Variants in RALGAPA2 observed in about 807,000 individuals in gnomAD.
RALGAPA2 encodes Ral GTPase activating protein catalytic subunit alpha 2, also known as ral GTPase-activating protein subunit alpha-2.
Under a neutral mutation model 230.4 loss-of-function variants are expected in RALGAPA2, and 139 were observed. The ratio of observed to expected loss-of-function variants is 0.60; its 90% CI spans 0.53 to 0.69. The LOEUF is 0.69. Ranked by LOEUF, RALGAPA2 falls within the 30% of genes least tolerant of loss-of-function variation. RALGAPA2 has a pLI of 0.00. For missense variants in RALGAPA2, 2,163 were observed against 2,276.0 expected, an observed-to-expected ratio of 0.95 and a Z score of 1.01; for synonymous variants, 847 against 837.8, an observed-to-expected ratio of 1.01 and a Z score of -0.19.
intron 31 of RALGAPA2, among the ~76,000 whole-genome samples, chr20:20,515,869 ACTGCAGACACAT>A (rs1425774733): frequency 6.6e-6 from 1 of 151,962 alleles, no homozygotes; most frequent in Non-Finnish European, 1.5e-5. Context: ...AGGGAAGTGC[ACTGCAGACACAT>A]CTGCCTCATG....
chr20:20,647,188 T>TA (rs2067242859), intron 4 of RALGAPA2, among the ~76,000 whole-genome samples: 1 of 152,216 alleles, frequency 6.6e-6, no homozygotes, highest in Non-Finnish European at 1.5e-5. Flanking sequence ...ATCATACAGA[T>TA]ATTTCTCACC....
intron 35 of RALGAPA2, among the ~76,000 whole-genome samples, chr20:20,496,475 ATCT>A (rs2062207953): frequency 6.6e-6 from 1 of 152,224 alleles, no homozygotes; most frequent in Non-Finnish European, 1.5e-5. Context: ...GCCCTCTGAC[ATCT>A]TCTGGGAATT....
intron 37 of RALGAPA2, among the ~76,000 whole-genome samples, chr20:20,467,292 G>A (rs933673991): frequency 3.9e-5 from 6 of 152,158 alleles, no homozygotes; most frequent in Admixed American, 3.9e-4. Flanking sequence ...CACACAGTAA[G>A]TGTGTTCCGG....
intron 24 of RALGAPA2, among the ~76,000 whole-genome samples, chr20:20,543,543 T>C (rs922345718): frequency 1.3e-5 from 2 of 152,176 alleles, no homozygotes; most frequent in Non-Finnish European, 1.5e-5. Flanking sequence ...TGGAATACTA[T>C]GCAGCCATAA....
intron 20 of RALGAPA2, among the ~76,000 whole-genome samples, chr20:20,580,624 CCT>C (rs1283836268): frequency 1.3e-5 from 2 of 152,174 alleles, no homozygotes; most frequent in African/African-American, 2.4e-5. Context: ...CTGCATGACC[CCT>C]GTTTCCAGGG....
chr20:20,592,663 G>A (rs1353084365), intron 16 of RALGAPA2, among the ~76,000 whole-genome samples: 1 of 152,156 alleles, frequency 6.6e-6, no homozygotes, highest in Non-Finnish European at 1.5e-5. Context: ...ATCTTAACTG[G>A]CTGGGTCACC....
chr20:20,676,456 C>T (rs1262514950), intron 2 of RALGAPA2, among the ~76,000 whole-genome samples, 168 bp from the exon 3 acceptor site: 2 of 135,782 alleles, frequency 1.5e-5, no homozygotes, highest in African/African-American at 5.5e-5. Context: ...AACAGACAAC[C>T]GAGCCCGACT....
Position 20,712,554 on chromosome 20 carries a change from G to A in RALGAPA2, c.-74C>T, listed in dbSNP as rs2069932228. 1 of 1,357,396 alleles carries A rather than the reference G, an allele frequency of 7.4e-7. No individual in the cohort carries two copies. The highest frequency in any genetic ancestry group is 9.5e-7 in the Non-Finnish European group (1 of 1,055,754). 84.1% of individuals were successfully genotyped at this position (1,357,396 alleles called of 1,614,324 possible). ...GCCACGCGAATCAAAGCATAGGGTC[G>A]AGGCCGGCGCGTGTCGCGCGGGCCA... On this transcript the variant is annotated 5_prime_UTR_variant, in exon 1 of 40. Transcript: ENST00000202677. The surrounding 1 kb of genome is among the most constrained non-coding windows in gnomAD (Gnocchi z 5.5).
At chr20:20,508,562 A>T (rs961868953) in intron 33 of RALGAPA2, among the ~76,000 whole-genome samples, 7 of 152,242 alleles carry the variant, frequency 4.6e-5, no homozygotes, top group Admixed American at 4.6e-4. Flanking sequence ...TAGCACTGAC[A>T]ATCTAGACCA....
At chr20:20,472,596 C>T (rs369672310) in intron 37 of RALGAPA2, 29 of 321,322 alleles carry the variant, frequency 9.0e-5, no homozygotes, top group African/African-American at 5.0e-4. Context: ...CAGACACAAA[C>T]GTATGTGAGT....
chr20:20,664,717 G>A (rs1023895196), intron 3 of RALGAPA2, among the ~76,000 whole-genome samples: 1 of 152,140 alleles, frequency 6.6e-6, no homozygotes, highest in African/African-American at 2.4e-5. Context: ...ATCACTCCAA[G>A]ACAGTTTCTA....
intron 20 of RALGAPA2, among the ~76,000 whole-genome samples, chr20:20,576,129 G>T (rs1260067057): frequency 2.0e-5 from 3 of 151,628 alleles, no homozygotes; most frequent in African/African-American, 7.3e-5. Context: ...GAACAATTTT[G>T]GATTTATAAA....
At chr20:20,643,867 T>G (rs545452226) in intron 4 of RALGAPA2, among the ~76,000 whole-genome samples, 1 of 152,080 alleles carries the variant, frequency 6.6e-6, no homozygotes, top group South Asian at 2.1e-4. Flanking sequence ...TCTCTAAAGG[T>G]AAAAATAATG....
chr20:20,412,807 T>C (rs1405237833), intron 37 of RALGAPA2, among the ~76,000 whole-genome samples: 1 of 152,204 alleles, frequency 6.6e-6, no homozygotes, highest in Non-Finnish European at 1.5e-5. Flanking sequence ...TTCAAATGTG[T>C]AATCAAAAAC....
intron 36 of RALGAPA2, among the ~76,000 whole-genome samples, chr20:20,478,817 C>T (rs2061708900): frequency 6.6e-6 from 1 of 151,718 alleles, no homozygotes; most frequent in African/African-American, 2.4e-5. Flanking sequence ...ATGCAATATA[C>T]CCAGGTAACA....
chr20:20,420,577 G>A (rs1015759879), intron 37 of RALGAPA2, among the ~76,000 whole-genome samples: 12 of 152,114 alleles, frequency 7.9e-5, no homozygotes, highest in African/African-American at 2.4e-4. Context: ...AGAGGGCCAT[G>A]CTGGGTGACA....
chr20:20,395,773 G>C (rs545430759), intron 39 of RALGAPA2, among the ~76,000 whole-genome samples: 1 of 152,328 alleles, frequency 6.6e-6, no homozygotes, highest in Non-Finnish European at 1.5e-5. Context: ...CTGCCTAGCA[G>C]AGGAGGGTGA....
In RALGAPA2 at chr20:20,712,564, C is replaced by T. The variant is rs1388958289; in HGVS notation, c.-84G>A. On this transcript the variant is annotated 5_prime_UTR_variant, in exon 1 of 40. Coordinates refer to ENST00000202677, the MANE Select transcript of RALGAPA2 (RefSeq NM_020343.4). This position sits in a 1 kb window ranked among gnomAD's most constrained non-coding sequence, Gnocchi z 5.5. ...TCAAAGCATAGGGTCGAGGCCGGCG[C>T]GTGTCGCGCGGGCCACTCGCCGCCC... The T allele has an allele frequency of 7.6e-7, 1 of 1,318,382 alleles. No individual in the cohort carries two copies. Among genetic ancestry groups the T allele is most frequent in the Non-Finnish European group, 9.7e-7 (1 of 1,034,038 alleles). 81.7% of individuals were successfully genotyped at this position (1,318,382 alleles called of 1,614,324 possible). A position where few individuals can be genotyped will look rare whatever the true frequency, so the allele number is the denominator to read the frequency against.
intron 1 of RALGAPA2, among the ~76,000 whole-genome samples, chr20:20,699,783 T>C (rs1220218928): frequency 6.6e-6 from 1 of 151,998 alleles, no homozygotes; most frequent in Non-Finnish European, 1.5e-5. Context: ...GTCAGAATGG[T>C]TATTAAATAG....
Sources: gnomAD v4.1 joint callset for allele counts (sites outside exome capture counted in the v4.1 genomes callset) on GRCh38, gnomAD v4.1.1 for gene constraint, Gnocchi (gnomAD v3.1) non-coding constraint, MANE v1.5 for transcripts, NCBI Gene and HGNC (gene_info 2026-07-23, HGNC 2026-07-21) for gene names.